STARD10: variants seen among roughly 807,000 people sequenced by gnomAD.
STARD10 encodes START domain-containing protein 10.
STARD10 carries 24 observed loss-of-function variants against 36.0 expected under a neutral mutation model. The ratio of observed to expected loss-of-function variants is 0.67; its 90% CI spans 0.48 to 0.94. The LOEUF (loss-of-function observed/expected upper bound fraction) is 0.94. STARD10 is among the 40% of genes least tolerant of loss of function. The probability of loss-of-function intolerance (pLI) is 0.00; values close to 1 mark genes in which losing one functional copy is unlikely to be tolerated. For synonymous variants in STARD10, 156 were observed against 161.9 expected (o/e 0.96, Z 0.28); for missense variants, 335 against 396.6 (o/e 0.84, Z 1.32).
chr11:72,780,220 A>G, intron 2 of STARD10: 1 of 430,766 alleles, frequency 2.3e-6, no homozygotes, highest in Non-Finnish European at 4.7e-6. Flanking sequence ...CAGGGTCCCA[A>G]ACCCCAAGCC....
chr11:72,786,517 C>T (rs1859075508), intron 1 of STARD10, among the ~76,000 whole-genome samples: 1 of 152,230 alleles, frequency 6.6e-6, no homozygotes, highest in African/African-American at 2.4e-5. Context: ...GGTCTCATAC[C>T]TTGCTGGGCC....
chr11:72,765,201 G>A (rs946632398), intron 2 of STARD10, among the ~76,000 whole-genome samples: 4 of 152,186 alleles, frequency 2.6e-5, no homozygotes, highest in Non-Finnish European at 5.9e-5. Flanking sequence ...GAGAGGCGGA[G>A]GTTGCAGTGA....
At position 72,793,470 on chromosome 11, in the gene STARD10, C is replaced by G. The variant is rs1254849478; in HGVS notation, c.-709G>C. The stretch of plus-strand genomic sequence containing the variant: ...GTGCAGTCCTTGAATCCTGATCCTT[C>G]CCTGGTCCTTTACTCTCTATGATGC... On this transcript the variant is annotated 5_prime_UTR_variant, in exon 1 of 7. Transcript: ENST00000334805. 3 of 152,298 alleles carry G rather than the reference C, an allele frequency of 2.0e-5. No individual in the cohort carries two copies. The highest frequency in any genetic ancestry group is 7.2e-5 in the African/African-American group (3 of 41,458). 9.4% of individuals were successfully genotyped at this position (152,298 alleles called of 1,614,324 possible). A position where few individuals can be genotyped will look rare whatever the true frequency, so the allele number is the denominator to read the frequency against.
chr11:72,785,952 T>C (rs1329017755), intron 1 of STARD10: 1 of 152,130 alleles, frequency 6.6e-6, no homozygotes, highest in Admixed American at 6.5e-5. Context: ...TCACAGGTTG[T>C]GCAGGGCAAC....
At chr11:72,756,534 CCT>C (rs1244406256) in intron 5 of STARD10, among the ~76,000 whole-genome samples, 1 of 152,028 alleles carries the variant, frequency 6.6e-6, no homozygotes, top group African/African-American at 2.4e-5. Flanking sequence ...CAGTGACTCC[CCT>C]GAGTGTCAGG....
intron 2 of STARD10, among the ~76,000 whole-genome samples, chr11:72,773,823 T>C (rs1858895728): frequency 6.6e-6 from 1 of 152,232 alleles, no homozygotes; most frequent in African/African-American, 2.4e-5. Flanking sequence ...GCTTCTATTT[T>C]GCTCGTCACC....
chr11:72,755,015 G>C lies in STARD10; in HGVS notation c.758C>G (p.Ser253Trp), dbSNP rs764367371. The C allele has an allele frequency of 1.2e-6, 2 of 1,612,902 alleles. No individual in the cohort carries two copies. Among genetic ancestry groups the C allele is most frequent in the Non-Finnish European group, 1.7e-6 (2 of 1,179,688 alleles). Residue 253 changes from serine (S) to tryptophan (W), a missense_variant, in exon 7 of 7, where the codon TCG (serine) becomes TGG (tryptophan). Coordinates refer to ENST00000334805, the MANE Select transcript of STARD10 (RefSeq NM_006645.3). ...PLPSLALSEL[S>W]VQHADSLENI... ...CTCCAGTGAGTCCGCATGCTGCACC[G>C]ACAGCTCCGACAGCGCCAGGCTCGG...
intron 1 of STARD10, among the ~76,000 whole-genome samples, chr11:72,787,450 G>A (rs1240899138): frequency 6.6e-6 from 1 of 152,218 alleles, no homozygotes. Context: ...CTCTTGACAG[G>A]AGAACAGGCC....
rs1003975078 is a variant in STARD10 at position 72,757,615 on chromosome 11, C to T, written c.577+152G>A. Reference sequence around the variant, plus strand: ...CTCTTTTCAAACCACTGTAAAGTCCCAAGCCTTGGTTCAAGGAAGGCTTTG... The same window carrying T: ...CTCTTTTCAAACCACTGTAAAGTCCTAAGCCTTGGTTCAAGGAAGGCTTTG... On this transcript the variant is annotated intron_variant, in intron 5 of 6. Transcript: ENST00000334805. 7 of 680,220 alleles carry T rather than the reference C, an allele frequency of 1.0e-5. No homozygotes were observed. In the African/African-American group the frequency reaches 1.1e-4, roughly 11 times the overall value. The allele number at this position is 680,220 out of a possible 1,614,324, so 42.1% of individuals were successfully genotyped here.
chr11:72,787,302 C>A (rs562067537), intron 1 of STARD10, among the ~76,000 whole-genome samples: 6 of 152,152 alleles, frequency 3.9e-5, no homozygotes, highest in Non-Finnish European at 7.4e-5. Flanking sequence ...ACCTCTGAAC[C>A]CTGGGAGCTG....
intron 5 of STARD10, 104 bp from the exon 6 acceptor site, chr11:72,755,857 TC>T: frequency 1.9e-6 from 2 of 1,071,584 alleles, no homozygotes; most frequent in Non-Finnish European, 1.3e-6. Context: ...GCCACTGTCT[TC>T]CCCATGAGGA....
At chr11:72,785,852 C>T (rs1859065015) in intron 1 of STARD10, 1 of 152,634 alleles carries the variant, frequency 6.6e-6, no homozygotes, top group Non-Finnish European at 1.5e-5. Context: ...TTGATCTCCC[C>T]TCTGGGAGAT....
chr11:72,759,253 A>T lies in STARD10; in HGVS notation c.336T>A (p.Ala112=). The T allele has an allele frequency of 1.9e-6, 3 of 1,614,182 alleles. No individual in the cohort carries two copies. In the African/African-American group the frequency reaches 4.0e-5, roughly 22 times the overall value. ...GCTCACAGGAGTAATAGCCCACGTC[A>T]GCGTTGACTGTCAAGCGGGCGATGT... is the stretch of plus-strand genomic sequence containing the variant. The part of the protein sequence containing the change: ...TFDIARLTVN[A]DVGYYSWRCP... The change falls in exon 3 of 7, where the codon GCT becomes GCA. Residue 112 remains alanine (A), a synonymous_variant. Transcript: ENST00000334805.
chr11:72,781,144 G>C lies in STARD10; in HGVS notation c.38C>G (p.Pro13Arg), dbSNP rs962855351. ...KLAASTEPQGPRPVLGRESVQ... is the reference protein window; with the variant it reads ...KLAASTEPQGRRPVLGRESVQ... ...ACTCTCACGGCCCAGGACCGGCCGA[G>C]GCCCTTGGGGCTCTGTAGAGGCCGC... Residue 13 changes from proline to arginine, a missense_variant, in exon 2 of 7, where the codon CCT becomes CGT. By Grantham distance (103) the Pro-to-Arg change is moderately radical (BLOSUM62 -2). Coordinates refer to ENST00000334805, the MANE Select transcript of STARD10 (RefSeq NM_006645.3). The surrounding 1 kb of genome is among the most constrained non-coding windows in gnomAD (Gnocchi z 4.7). 2.5e-6 allele frequency: 4 copies of C among 1,612,748 alleles called. No individual in the cohort carries two copies. The African/African-American group carries it at 5.3e-5, about 22-fold the overall frequency.
rs184206964 is a variant in STARD10, at chr11:72,770,765, A to C, written c.207+10210T>G. Among the ~76,000 whole-genome samples, 15 of 152,308 alleles carry C rather than the reference A, an allele frequency of 9.8e-5. No homozygotes were observed. The East Asian group carries it at 2.7e-3, about 27-fold the overall frequency. On this transcript the variant is annotated intron_variant, in intron 2 of 6. Transcript: ENST00000334805. Reference sequence around the variant, plus strand: ...GGGAGGGACATCTAAGCTGGATCCTAAAAGATGACCAGGAGAGGAGACGGC... The same window carrying C: ...GGGAGGGACATCTAAGCTGGATCCTCAAAGATGACCAGGAGAGGAGACGGC...
intron 1 of STARD10, chr11:72,782,125 C>T (rs1396808641): frequency 1.3e-5 from 2 of 152,398 alleles, no homozygotes; most frequent in African/African-American, 2.4e-5. Context: ...ACCTCCCATA[C>T]TCACAGGTAC....
At chr11:72,755,273 G>A in intron 6 of STARD10, 131 bp from the exon 7 acceptor site, 1 of 967,998 alleles carries the variant, frequency 1.0e-6, no homozygotes, top group South Asian at 1.7e-5. Flanking sequence ...AGCCCTACTT[G>A]CCCTCCCTGG....
chr11:72,787,534 T>C (rs1342471729), intron 1 of STARD10, among the ~76,000 whole-genome samples: 1 of 151,970 alleles, frequency 6.6e-6, no homozygotes, highest in Non-Finnish European at 1.5e-5. Context: ...TTCCGGAGGG[T>C]TCCCAGGCCC....
intron 2 of STARD10, among the ~76,000 whole-genome samples, chr11:72,762,746 T>C (rs904581741): frequency 6.6e-6 from 1 of 152,056 alleles, no homozygotes; most frequent in African/African-American, 2.4e-5. Flanking sequence ...AGAATCTCAG[T>C]GCAGGAGGTA....
Sources: allele counts gnomAD v4.1 joint callset (sites outside exome capture counted in the v4.1 genomes callset), GRCh38; gene constraint gnomAD v4.1.1; non-coding constraint Gnocchi (gnomAD v3.1); transcripts MANE v1.5; gene names NCBI Gene and HGNC (gene_info 2026-07-23, HGNC 2026-07-21).